The following AUTS2 variants were observed in gnomAD, a reference collection of about 807,000 sequenced individuals.
The protein encoded by AUTS2 is autism susceptibility gene 2 protein.
Under a neutral mutation model 112.4 loss-of-function variants are expected in AUTS2, and 17 were observed. The ratio of observed to expected loss-of-function variants is 0.15; its 90% CI spans 0.10 to 0.23. The LOEUF is 0.23. AUTS2 is among the 10% of genes least tolerant of loss of function. AUTS2 has a pLI of 1.00. For missense variants in AUTS2, 1,510 were observed against 1,701.6 expected (o/e 0.89, Z 1.98); for synonymous variants, 751 against 702.7 (o/e 1.07, Z -1.09).
intron 1 of AUTS2, among the ~76,000 whole-genome samples, chr7:69,830,726 T>C (rs2129527459): frequency 6.6e-6 from 1 of 152,344 alleles, no homozygotes; most frequent in Non-Finnish European, 1.5e-5. Flanking sequence ...TACACATTTA[T>C]TGAGCTCGTA....
At chr7:70,097,878 G>C (rs949972203) in intron 2 of AUTS2, among the ~76,000 whole-genome samples, 1 of 152,200 alleles carries the variant, frequency 6.6e-6, no homozygotes, top group African/African-American at 2.4e-5. Flanking sequence ...AGAAAGCATG[G>C]CACTCAAATG....
chr7:69,792,245 T>A (rs1431620063), intron 1 of AUTS2, among the ~76,000 whole-genome samples: 4 of 151,480 alleles, frequency 2.6e-5, no homozygotes, highest in Admixed American at 6.6e-5. Context: ...TTTTTTTTGT[T>A]TTGTTTTTTT....
chr7:70,153,480 G>A (rs753263364), intron 4 of AUTS2, among the ~76,000 whole-genome samples: 5 of 152,090 alleles, frequency 3.3e-5, no homozygotes, highest in Non-Finnish European at 5.9e-5. Context: ...TAGGTGATGG[G>A]TATGTTCATT....
rs1161825217 is a variant in AUTS2, at chr7:69,996,946, T to TAAAAAAAAAAAAAAA, written c.522+97452_522+97466dup. On this transcript the variant is annotated intron_variant, in intron 2 of 18. Coordinates refer to ENST00000342771, the MANE Select transcript of AUTS2 (RefSeq NM_015570.4). ...CTTTTTCGAAATAACCTGGAACACT[T>TAAAAAAAAAAAAAAA]AAAAAAAAAAAAAAAAAAGCAAACT... Among the ~76,000 whole-genome samples the TAAAAAAAAAAAAAAA allele has an allele frequency of 5.6e-4, 55 of 98,998 alleles. 3 individuals are homozygous for TAAAAAAAAAAAAAAA. The highest frequency in any genetic ancestry group is 2.0e-3 in the East Asian group (7 of 3,474). 64.9% of individuals were successfully genotyped at this position (98,998 alleles called of 152,430 possible).
intron 2 of AUTS2, among the ~76,000 whole-genome samples, chr7:70,014,217 C>G (rs999330399): frequency 6.6e-6 from 1 of 152,148 alleles, no homozygotes; most frequent in Non-Finnish European, 1.5e-5. Flanking sequence ...GAACTTGAGG[C>G]CTGCACTCAC....
At chr7:69,804,502 T>C (rs1482861370) in intron 1 of AUTS2, among the ~76,000 whole-genome samples, 1 of 152,222 alleles carries the variant, frequency 6.6e-6, no homozygotes, top group African/African-American at 2.4e-5. Context: ...CCTTCGTCTC[T>C]ACTTTCTAAG....
chr7:69,629,377 G>T (rs1459552559), intron 1 of AUTS2, among the ~76,000 whole-genome samples: 1 of 152,138 alleles, frequency 6.6e-6, no homozygotes, highest in Non-Finnish European at 1.5e-5. Flanking sequence ...ATACCTGACA[G>T]ACCTTGCTAG....
intron 5 of AUTS2, among the ~76,000 whole-genome samples, chr7:70,470,965 G>A (rs1797358500): frequency 6.6e-6 from 1 of 152,138 alleles, no homozygotes; most frequent in Admixed American, 6.6e-5. Context: ...GGAAGGGCAG[G>A]CTGGAAATAA....
chr7:69,716,208 CTGTGTGTCTGTGTGTGTGTGTTTGTGTG>C (rs1257858673), intron 1 of AUTS2, among the ~76,000 whole-genome samples: 3 of 151,808 alleles, frequency 2.0e-5, no homozygotes, highest in African/African-American at 7.3e-5. Context: ...TTCAGATACT[CTGTGTGTCTGTGTGTGTGTGTTTGTGTG>C]TGTGTGTCTG....
intron 2 of AUTS2, among the ~76,000 whole-genome samples, chr7:70,098,331 G>T (rs902742050): frequency 2.0e-5 from 3 of 152,206 alleles, no homozygotes; most frequent in African/African-American, 7.2e-5. Flanking sequence ...TGAGGGACTT[G>T]TTAATTTACT....
intron 4 of AUTS2, among the ~76,000 whole-genome samples, chr7:70,356,705 C>G (rs1792027160): frequency 6.6e-6 from 1 of 152,062 alleles, no homozygotes; most frequent in East Asian, 1.9e-4. Flanking sequence ...TCTCCTCCCC[C>G]CACCTCCCCA....
intron 1 of AUTS2, among the ~76,000 whole-genome samples, chr7:69,771,828 A>G (rs1382079572): frequency 6.6e-6 from 1 of 150,620 alleles, no homozygotes. Flanking sequence ...CTTGTTGCAC[A>G]GGCTGGAGTG....
chr7:70,643,386 C>T (rs1434497205), intron 5 of AUTS2, among the ~76,000 whole-genome samples: 2 of 152,174 alleles, frequency 1.3e-5, no homozygotes, highest in Non-Finnish European at 2.9e-5. Context: ...TCCTGGCCAA[C>T]AGGGTGAAAC....
chr7:70,157,536 T>C (rs1211588978), intron 4 of AUTS2, among the ~76,000 whole-genome samples: 1 of 152,104 alleles, frequency 6.6e-6, no homozygotes, highest in Non-Finnish European at 1.5e-5. Context: ...CCCAGACTGG[T>C]GTTGAACTCC....
chr7:70,564,205 A>G (rs964615811), intron 5 of AUTS2, among the ~76,000 whole-genome samples: 12 of 152,182 alleles, frequency 7.9e-5, no homozygotes, highest in African/African-American at 2.2e-4. Context: ...GTGATTTTTC[A>G]AAGACATAAC....
At chr7:70,058,443 C>G (rs998208663) in intron 2 of AUTS2, among the ~76,000 whole-genome samples, 2 of 152,164 alleles carry the variant, frequency 1.3e-5, no homozygotes, top group South Asian at 2.1e-4. Context: ...TGTACCCCCC[C>G]GCTACGCATA....
At chr7:70,660,883 T>C (rs571320204) in intron 5 of AUTS2, among the ~76,000 whole-genome samples, 1 of 152,332 alleles carries the variant, frequency 6.6e-6, no homozygotes, top group East Asian at 1.9e-4. Context: ...AGGCCTACTA[T>C]GTGCCAGAGC....
intron 5 of AUTS2, among the ~76,000 whole-genome samples, chr7:70,624,244 C>G (rs952885342): frequency 6.6e-6 from 1 of 152,190 alleles, no homozygotes; most frequent in Non-Finnish European, 1.5e-5. Context: ...CTGGAAGAAC[C>G]GTGGGACCTC....
intron 1 of AUTS2, among the ~76,000 whole-genome samples, chr7:69,727,801 T>C (rs961865988): frequency 6.6e-6 from 1 of 152,158 alleles, no homozygotes; most frequent in South Asian, 2.1e-4. Context: ...GTTTTTACTA[T>C]TGTAGGCCCT....
Sources: gnomAD v4.1 joint callset for allele counts (sites outside exome capture counted in the v4.1 genomes callset) on GRCh38, gnomAD v4.1.1 for gene constraint, MANE v1.5 for transcripts, NCBI Gene and HGNC (gene_info 2026-07-23, HGNC 2026-07-21) for gene names.